Variants in RIMBP2 observed in about 807,000 individuals in gnomAD.
RIMBP2 encodes the protein RIMS-binding protein 2.
A neutral mutation model predicts 118.6 loss-of-function variants in RIMBP2; 48 were observed. The ratio of observed to expected loss-of-function variants is 0.40; its 90% CI spans 0.32 to 0.51. The LOEUF (loss-of-function observed/expected upper bound fraction) is 0.51, where lower values mean the gene tolerates loss of function less well. RIMBP2 is among the 20% of genes least tolerant of loss of function. The probability of loss-of-function intolerance (pLI) is 0.41; values close to 1 mark genes in which losing one functional copy is unlikely to be tolerated. For synonymous variants in RIMBP2, 762 were observed against 742.9 expected (o/e 1.03, Z -0.42); for missense variants, 1,551 against 1,768.3 (o/e 0.88, Z 2.20).
chr12:130,684,635 G>A (rs1335876135), intron 1 of RIMBP2, among the ~76,000 whole-genome samples: 2 of 152,158 alleles, frequency 1.3e-5, no homozygotes, highest in Admixed American at 1.3e-4. Flanking sequence ...GGAGTGTCCT[G>A]ATATCCCGAT....
At chr12:130,473,256 G>A (rs185044810) in intron 5 of RIMBP2, among the ~76,000 whole-genome samples, 5 of 152,204 alleles carry the variant, frequency 3.3e-5, no homozygotes, top group African/African-American at 1.2e-4. Flanking sequence ...CAGCTTAAGC[G>A]AGGCTCATTT....
chr12:130,622,194 A>G lies in RIMBP2; in HGVS notation c.-217+6128T>C, dbSNP rs2061358637. On this transcript the variant is annotated intron_variant, in intron 2 of 22. Coordinates refer to ENST00000690449, the MANE Select transcript of RIMBP2 (RefSeq NM_001393629.1). This position sits in a 1 kb window ranked among gnomAD's most constrained non-coding sequence, Gnocchi z 8.5. ...TGCAGGCCTGTTTGTTTCAGGTTGG[A>G]TCCTGGGTAACAGGCAGGGCCTGTG... Among the ~76,000 whole-genome samples, 1 of 152,292 alleles carries G rather than the reference A, an allele frequency of 6.6e-6. No homozygotes were observed. The highest frequency in any genetic ancestry group is 2.4e-5 in the African/African-American group (1 of 41,556).
intron 1 of RIMBP2, among the ~76,000 whole-genome samples, chr12:130,656,712 T>G (rs2063445061): frequency 6.6e-6 from 1 of 152,106 alleles, no homozygotes; most frequent in African/African-American, 2.4e-5. Context: ...AATTTTTATG[T>G]TATTAACTTT....
At chr12:130,567,021 CAG>C (rs932365779) in intron 2 of RIMBP2, among the ~76,000 whole-genome samples, 2 of 152,100 alleles carry the variant, frequency 1.3e-5, no homozygotes, top group Non-Finnish European at 2.9e-5. Flanking sequence ...CTTTCAAAGG[CAG>C]AGTCAGAAGA....
chr12:130,457,428 T>C (rs959871375), intron 6 of RIMBP2, among the ~76,000 whole-genome samples: 1 of 152,168 alleles, frequency 6.6e-6, no homozygotes, highest in South Asian at 2.1e-4. Context: ...CTGTGTCCAG[T>C]CTCGGGACAT....
chr12:130,691,223 C>T (rs544054713), intron 1 of RIMBP2, among the ~76,000 whole-genome samples: 442 of 152,310 alleles, frequency 2.9e-3, no homozygotes, highest in Middle Eastern at 0.01. Flanking sequence ...GCCTGTGACT[C>T]CTAACACCTG....
intron 10 of RIMBP2, among the ~76,000 whole-genome samples, chr12:130,444,888 G>A (rs961981765): frequency 6.6e-6 from 1 of 152,238 alleles, no homozygotes; most frequent in Non-Finnish European, 1.5e-5. Flanking sequence ...TCTGCAAATA[G>A]CTGCCAAAAG....
At chr12:130,540,232 G>C (rs557164140) in intron 2 of RIMBP2, among the ~76,000 whole-genome samples, 1 of 152,166 alleles carries the variant, frequency 6.6e-6, no homozygotes, top group Non-Finnish European at 1.5e-5. Flanking sequence ...GATGGCCTTG[G>C]GAAGAGGATG....
At chr12:130,489,695 T>C (rs1164047595) in intron 4 of RIMBP2, among the ~76,000 whole-genome samples, 1 of 152,196 alleles carries the variant, frequency 6.6e-6, no homozygotes, top group Admixed American at 6.5e-5. Flanking sequence ...GGCTTCTTAG[T>C]TCTTCCACCC....
chr12:130,437,149 G>T lies in RIMBP2; in HGVS notation c.1799C>A (p.Pro600His), dbSNP rs1273992295. 6.3e-7 allele frequency: 1 copy of T among 1,588,300 alleles called. No homozygotes were observed. Among genetic ancestry groups the T allele is most frequent in the African/African-American group, 1.3e-5 (1 of 74,602 alleles). ...GGGGGTAGGAGGCACCAGGAGCTCG[G>T]GGGGAACGGCAGCAACTGCAGAGTC... is the stretch of plus-strand genomic sequence containing the variant. ...SVDSAVAAVP[P>H]ELLVPPTPHP... is the part of the protein sequence containing the mutation. The change falls in exon 13 of 23, where the codon CCC (proline) becomes CAC (histidine). Residue 600 changes from proline (P) to histidine (H), a missense_variant. Physicochemically the swap from Pro to His is moderately conservative, Grantham distance 77. Around this residue, in one of 5 missense-constraint regions of RIMBP2, gnomAD observed 1,038 missense variants for 1,125.1 expected, o/e 0.92. Transcript: ENST00000690449.
intron 18 of RIMBP2, among the ~76,000 whole-genome samples, chr12:130,413,466 C>T (rs1392121729): frequency 2.0e-5 from 3 of 151,930 alleles, no homozygotes; most frequent in East Asian, 1.9e-4. Flanking sequence ...CCTGTCTCTA[C>T]TAAAAATGCA....
rs762083283 is a variant in RIMBP2, at chr12:130,414,126, T to G, written c.3419A>C (p.Lys1140Thr). The G allele has an allele frequency of 4.3e-6, 7 of 1,614,126 alleles. No individual in the cohort carries two copies. In the South Asian group the frequency reaches 7.7e-5, roughly 18 times the overall value. ...CGCCCGCAGGCAGCCATCCCGCACC[T>G]TGATGATCTGGCCTTCTTTAAAGGG... The part of the protein sequence containing the change: ...ELPFKEGQII[K>T]VYGDKDADGF... The change falls in exon 18 of 23, where the codon AAG (lysine) becomes ACG (threonine). Residue 1140 changes from lysine (K) to threonine (T), a missense_variant and splice_region_variant. Physicochemically the swap from Lys to Thr is moderately conservative, Grantham distance 78 (BLOSUM62 -1). This residue lies in a region of RIMBP2 where 1,038 missense variants were observed against 1,125.1 expected (regional missense o/e 0.92). Transcript: ENST00000690449.
At chr12:130,582,842 C>T (rs907586918) in intron 2 of RIMBP2, among the ~76,000 whole-genome samples, 1 of 152,210 alleles carries the variant, frequency 6.6e-6, no homozygotes, top group African/African-American at 2.4e-5. Context: ...CTAGTTCATT[C>T]ATTCCAACGC....
chr12:130,500,249 G>A (rs2049609856), intron 4 of RIMBP2, among the ~76,000 whole-genome samples: 2 of 152,186 alleles, frequency 1.3e-5, no homozygotes, highest in Admixed American at 6.5e-5. Flanking sequence ...CACAAGGTCA[G>A]GAGTTCGAGA....
chr12:130,693,109 A>G (rs999407331), intron 1 of RIMBP2, among the ~76,000 whole-genome samples: 1 of 152,098 alleles, frequency 6.6e-6, no homozygotes, highest in African/African-American at 2.4e-5. Flanking sequence ...AGTTTCTCCC[A>G]TGGCCCTCCA....
chr12:130,645,891 T>G (rs2062851296), intron 1 of RIMBP2, among the ~76,000 whole-genome samples: 1 of 152,184 alleles, frequency 6.6e-6, no homozygotes, highest in Non-Finnish European at 1.5e-5. Flanking sequence ...CTTGCCTAAC[T>G]AAATGGATTC....
chr12:130,582,190 T>A (rs927030439), intron 2 of RIMBP2, among the ~76,000 whole-genome samples: 1 of 152,156 alleles, frequency 6.6e-6, no homozygotes, highest in African/African-American at 2.4e-5. Context: ...CTTTACTCAT[T>A]TATTTTGCTG....
intron 2 of RIMBP2, among the ~76,000 whole-genome samples, chr12:130,619,464 T>C (rs1299201812): frequency 1.3e-5 from 2 of 152,212 alleles, no homozygotes; most frequent in Non-Finnish European, 2.9e-5. Context: ...AATTCAGATA[T>C]CTAAAACTTT....
At chr12:130,554,310 C>T (rs956108523) in intron 2 of RIMBP2, among the ~76,000 whole-genome samples, 1 of 152,184 alleles carries the variant, frequency 6.6e-6, no homozygotes, top group African/African-American at 2.4e-5. Context: ...TTCAGTTCAA[C>T]GTTTGCTAAA....
Sources: gnomAD v4.1 joint callset for allele counts (sites outside exome capture counted in the v4.1 genomes callset) on GRCh38, gnomAD v4.1.1 for gene constraint, gnomAD v4.1.1 regional missense constraint, Gnocchi (gnomAD v3.1) non-coding constraint, MANE v1.5 for transcripts, NCBI Gene and HGNC (gene_info 2026-07-23, HGNC 2026-07-21) for gene names.